TMEM232: variants seen among roughly 807,000 people sequenced by gnomAD.
The protein encoded by TMEM232 is transmembrane protein 232.
TMEM232 carries 80 observed loss-of-function variants against 78.8 expected under a neutral mutation model. The ratio of observed to expected loss-of-function variants is 1.01; its 90% CI spans 0.85 to 1.22. TMEM232 has a LOEUF of 1.22. TMEM232 is among the 50% of genes most tolerant of loss of function. The pLI is 0.00. For missense variants in TMEM232, 881 were observed against 742.2 expected, an observed-to-expected ratio of 1.19 and a Z score of -2.17; for synonymous variants, 297 against 254.3, an observed-to-expected ratio of 1.17 and a Z score of -1.60.
chr5:110,518,330 AC>A (rs1389033693), intron 12 of TMEM232, among the ~76,000 whole-genome samples: 2 of 151,580 alleles, frequency 1.3e-5, no homozygotes, highest in Non-Finnish European at 2.9e-5. Context: ...ATGACACAAA[AC>A]CAAAGTACAC....
chr5:110,627,003 A>G (rs574047543), intron 6 of TMEM232, among the ~76,000 whole-genome samples: 270 of 152,104 alleles, frequency 1.8e-3, no homozygotes, highest in African/African-American at 5.8e-3. Flanking sequence ...ATGACTGTCA[A>G]TTCTATATCC....
intron 12 of TMEM232, among the ~76,000 whole-genome samples, chr5:110,496,527 G>A (rs932976333): frequency 6.6e-6 from 1 of 151,908 alleles, no homozygotes; most frequent in Admixed American, 6.6e-5. Flanking sequence ...TGGAATATAT[G>A]CCAATTATAG....
At chr5:110,689,418 A>G (rs1375375174) in intron 1 of TMEM232, among the ~76,000 whole-genome samples, 1 of 152,202 alleles carries the variant, frequency 6.6e-6, no homozygotes, top group East Asian at 1.9e-4. Context: ...AGAAATAGTA[A>G]GTATAAATAT....
chr5:110,619,439 T>G (rs148790674), intron 7 of TMEM232, among the ~76,000 whole-genome samples: 1 of 152,206 alleles, frequency 6.6e-6, no homozygotes, highest in African/African-American at 2.4e-5. Flanking sequence ...CCCATAGTTG[T>G]GTATTTATCT....
chr5:110,501,015 CT>C (rs1766210970), intron 12 of TMEM232, among the ~76,000 whole-genome samples: 1 of 152,128 alleles, frequency 6.6e-6, no homozygotes, highest in African/African-American at 2.4e-5. Context: ...ATCTTCTTCA[CT>C]TTTTTTAAGG....
intron 1 of TMEM232, among the ~76,000 whole-genome samples, chr5:110,693,091 T>G (rs1561525729): frequency 6.6e-6 from 1 of 152,112 alleles, no homozygotes; most frequent in Non-Finnish European, 1.5e-5. Flanking sequence ...GGCCGGGTAC[T>G]CCTCTGAGAC....
intron 12 of TMEM232, among the ~76,000 whole-genome samples, chr5:110,506,195 A>T (rs1480480980): frequency 6.6e-6 from 1 of 152,150 alleles, no homozygotes; most frequent in Non-Finnish European, 1.5e-5. Flanking sequence ...GTGGATGTTA[A>T]ACTGACCTAT....
chr5:110,437,665 G>T (rs546752661), intron 12 of TMEM232, among the ~76,000 whole-genome samples: 25 of 151,972 alleles, frequency 1.6e-4, no homozygotes, highest in Admixed American at 7.2e-4. Context: ...AAAAACATAG[G>T]TAAGAAGCAT....
intron 12 of TMEM232, among the ~76,000 whole-genome samples, chr5:110,463,142 C>T (rs755339469): frequency 2.6e-5 from 4 of 152,260 alleles, no homozygotes; most frequent in East Asian, 1.9e-4. Flanking sequence ...ATTGTGGCGA[C>T]TTTATTGTTG....
intron 12 of TMEM232, among the ~76,000 whole-genome samples, chr5:110,479,201 T>C (rs1160712044): frequency 2.6e-5 from 4 of 151,832 alleles, no homozygotes; most frequent in African/African-American, 9.7e-5. Context: ...TCTTTTTGCC[T>C]ACTTGCCCCT....
At chr5:110,399,328 G>C (rs1755505834) in intron 2 of TMEM232, among the ~76,000 whole-genome samples, 1 of 152,090 alleles carries the variant, frequency 6.6e-6, no homozygotes, top group Non-Finnish European at 1.5e-5. Flanking sequence ...AAATGTGCAT[G>C]AGCCTTCAGA....
rs543815517 is a variant in TMEM232, at chr5:110,440,791, C to T, written c.1704-15875G>A. 7.2e-5 allele frequency among the ~76,000 whole-genome samples: 11 copies of T among 152,238 alleles called. No homozygotes were observed. The South Asian group carries it at 2.1e-3, about 29-fold the overall frequency. On this transcript the variant is annotated intron_variant, in intron 12 of 13. Coordinates refer to ENST00000455884, the MANE Select transcript of TMEM232 (RefSeq NM_001039763.4). ...CTTGCCTCTGGTGCTGCTTTTGAGT[C>T]CAATGCCATCCTGATTTTCAGGCGT...
At chr5:110,542,642 G>T (rs1773289236) in intron 11 of TMEM232, among the ~76,000 whole-genome samples, 3 of 152,040 alleles carry the variant, frequency 2.0e-5, no homozygotes, top group Admixed American at 2.0e-4. Context: ...TATGGGGATT[G>T]TGTCTCTCAG....
chr5:110,437,767 GTA>G (rs1158513942), intron 12 of TMEM232, among the ~76,000 whole-genome samples: 2 of 152,044 alleles, frequency 1.3e-5, no homozygotes, highest in Non-Finnish European at 2.9e-5. Context: ...AGGCACTTTT[GTA>G]TAGGTAATTT....
chr5:110,505,089 T>A (rs959424253), intron 12 of TMEM232, among the ~76,000 whole-genome samples: 1 of 152,188 alleles, frequency 6.6e-6, no homozygotes, highest in African/African-American at 2.4e-5. Context: ...GAGTTTTCCA[T>A]AACCAAACTG....
intron 12 of TMEM232, among the ~76,000 whole-genome samples, chr5:110,486,961 C>T (rs992327163): frequency 6.6e-6 from 1 of 151,874 alleles, no homozygotes; most frequent in Non-Finnish European, 1.5e-5. Context: ...GATGTGTTTC[C>T]ATTTGTTTGT....
At chr5:110,718,631 AT>A (rs201808471) in intron 1 of TMEM232, among the ~76,000 whole-genome samples, 1 of 150,918 alleles carries the variant, frequency 6.6e-6, no homozygotes, top group African/African-American at 2.4e-5. Flanking sequence ...GTGAAGATTA[AT>A]TTTTTTTTAG....
At chr5:110,556,745 G>A (rs564078679) in intron 11 of TMEM232, among the ~76,000 whole-genome samples, 10 of 152,256 alleles carry the variant, frequency 6.6e-5, no homozygotes, top group Non-Finnish European at 1.0e-4. Context: ...CTGCTGAAAG[G>A]TCTGCTGTTA....
At chr5:110,578,424 C>T (rs968860011) in intron 10 of TMEM232, among the ~76,000 whole-genome samples, 4 of 151,902 alleles carry the variant, frequency 2.6e-5, no homozygotes, top group Non-Finnish European at 1.5e-5. Flanking sequence ...AACCCATAAT[C>T]TTGAAGAAAC....
Sources: gnomAD v4.1 joint callset for allele counts (sites outside exome capture counted in the v4.1 genomes callset) on GRCh38, gnomAD v4.1.1 for gene constraint, MANE v1.5 for transcripts, NCBI Gene and HGNC (gene_info 2026-07-23, HGNC 2026-07-21) for gene names.